The following PTPRD variants were observed in gnomAD, a reference collection of about 807,000 sequenced individuals.
PTPRD encodes the protein receptor-type tyrosine-protein phosphatase delta.
In PTPRD, 34 loss-of-function variants were observed where a neutral mutation model predicts 214.5. The ratio of observed to expected loss-of-function variants is 0.16; its 90% CI spans 0.12 to 0.21. The LOEUF (loss-of-function observed/expected upper bound fraction) is 0.21, where lower values mean the gene tolerates loss of function less well. Among genes scored for constraint, PTPRD ranks in the 10% least tolerant of loss-of-function variants. PTPRD has a pLI of 1.00. For missense variants in PTPRD, 2,545 were observed against 2,398.7 expected (o/e 1.06, Z -1.27); for synonymous variants, 1,128 against 845.7 (o/e 1.33, Z -5.79).
chr9:9,688,043 T>A (rs1049922232), intron 7 of PTPRD, among the ~76,000 whole-genome samples: 1 of 151,842 alleles, frequency 6.6e-6, no homozygotes, highest in Non-Finnish European at 1.5e-5. Flanking sequence ...CTCTCTTTCC[T>A]TTCTTTCTCC....
chr9:10,573,948 T>C lies in PTPRD; in HGVS notation c.-600+38450A>G, dbSNP rs1488118362. On this transcript the variant is annotated intron_variant, in intron 2 of 45. Transcript: ENST00000381196. ...CCTTAAAACTTAAAGTAGAATAAAA[T>C]AAATAAATTAATAAACCCAGGACAG... 1.3e-5 allele frequency among the ~76,000 whole-genome samples: 2 copies of C among 151,970 alleles called. 1 individual carries two copies. Among genetic ancestry groups the C allele is most frequent in the Admixed American group, 1.3e-4 (2 of 15,236 alleles).
intron 11 of PTPRD, among the ~76,000 whole-genome samples, chr9:8,761,940 G>C (rs914414324): frequency 1.3e-5 from 2 of 152,076 alleles, no homozygotes; most frequent in South Asian, 2.1e-4. Flanking sequence ...AGGTCCCTAA[G>C]GCACCATTAT....
chr9:10,184,285 C>T (rs1304267940), intron 3 of PTPRD, among the ~76,000 whole-genome samples: 2 of 152,024 alleles, frequency 1.3e-5, no homozygotes, highest in African/African-American at 2.4e-5. Flanking sequence ...ATTAGCCAGA[C>T]GTGGTGGCAT....
At chr9:10,341,275 G>C (rs995472568) in intron 2 of PTPRD, among the ~76,000 whole-genome samples, 4 of 151,820 alleles carry the variant, frequency 2.6e-5, no homozygotes, top group Non-Finnish European at 4.4e-5. Context: ...GTACATACAA[G>C]AAATGCCAAA....
chr9:10,195,636 A>G (rs1272015915), intron 3 of PTPRD, among the ~76,000 whole-genome samples: 1 of 152,158 alleles, frequency 6.6e-6, no homozygotes, highest in African/African-American at 2.4e-5. Flanking sequence ...TCTGTCATCC[A>G]ACCATCTATT....
At chr9:10,030,330 A>G (rs935892376) in intron 4 of PTPRD, among the ~76,000 whole-genome samples, 5 of 152,212 alleles carry the variant, frequency 3.3e-5, no homozygotes, top group African/African-American at 1.2e-4. Context: ...CACAGAAATG[A>G]GAAAACAAAA....
chr9:10,268,299 T>C lies in PTPRD; in HGVS notation c.-545+72664A>G, dbSNP rs1412764071. 1.4e-4 allele frequency among the ~76,000 whole-genome samples: 21 copies of C among 148,104 alleles called. No individual in the cohort carries two copies. The East Asian group carries it at 3.5e-3, about 25-fold the overall frequency. ...AGCAAGACTCTGTTGCTATAAATAATAATAATAATAATAATAATAACGATA... is the reference window on the plus strand; with the variant it reads ...AGCAAGACTCTGTTGCTATAAATAACAATAATAATAATAATAATAACGATA... On this transcript the variant is annotated intron_variant, in intron 3 of 45. Coordinates refer to ENST00000381196, the MANE Select transcript of PTPRD (RefSeq NM_002839.4).
At chr9:10,559,496 T>A (rs2063367131) in intron 2 of PTPRD, among the ~76,000 whole-genome samples, 1 of 152,162 alleles carries the variant, frequency 6.6e-6, no homozygotes, top group African/African-American at 2.4e-5. Flanking sequence ...ACACTGCTGA[T>A]ACACACTAAG....
intron 3 of PTPRD, among the ~76,000 whole-genome samples, chr9:10,069,315 T>C (rs1365452337): frequency 1.3e-5 from 2 of 151,922 alleles, no homozygotes; most frequent in African/African-American, 4.8e-5. Context: ...AAGAAGTTGT[T>C]CCCTTTGTGA....
chr9:9,398,604 A>C, intron 8 of PTPRD, among the ~76,000 whole-genome samples: 1 of 152,084 alleles, frequency 6.6e-6, no homozygotes, highest in Non-Finnish European at 1.5e-5. Context: ...AGTTTAACAA[A>C]AAAATAAAGA....
chr9:10,133,964 T>C (rs2098923003), intron 3 of PTPRD, among the ~76,000 whole-genome samples: 1 of 152,182 alleles, frequency 6.6e-6, no homozygotes, highest in Admixed American at 6.6e-5. Context: ...CTTTTTTTCA[T>C]TCAAGCAATG....
At chr9:8,957,636 A>G (rs535238206) in intron 11 of PTPRD, among the ~76,000 whole-genome samples, 1 of 152,044 alleles carries the variant, frequency 6.6e-6, no homozygotes, top group South Asian at 2.1e-4. Flanking sequence ...ATGCTATTGT[A>G]AGCTCTTCAA....
chr9:9,097,310 G>T lies in PTPRD; in HGVS notation c.-142-78575C>A, dbSNP rs530709078. 2.6e-5 allele frequency among the ~76,000 whole-genome samples: 4 copies of T among 152,172 alleles called. No individual in the cohort carries two copies. In the South Asian group the frequency reaches 8.3e-4, roughly 32 times the overall value. On this transcript the variant is annotated intron_variant, in intron 10 of 45. Coordinates refer to ENST00000381196, the MANE Select transcript of PTPRD (RefSeq NM_002839.4). ...ATTCTGGTTGGGGCCTAAAGCAAAG[G>T]TTTTTGGGGTACTAAACCTCATACT...
intron 4 of PTPRD, among the ~76,000 whole-genome samples, chr9:9,966,749 G>A (rs375797495): frequency 2.0e-5 from 3 of 152,050 alleles, no homozygotes; most frequent in Non-Finnish European, 2.9e-5. Context: ...CTGCTCCTGA[G>A]GAATCAAGGA....
intron 2 of PTPRD, among the ~76,000 whole-genome samples, chr9:10,386,958 T>C (rs1482171647): frequency 6.6e-6 from 1 of 151,808 alleles, no homozygotes; most frequent in Admixed American, 6.6e-5. Context: ...AGAGTCAGTG[T>C]CAGAGTAATA....
intron 7 of PTPRD, among the ~76,000 whole-genome samples, chr9:9,603,183 C>T (rs2093904377): frequency 6.6e-6 from 1 of 152,026 alleles, no homozygotes; most frequent in Non-Finnish European, 1.5e-5. Flanking sequence ...AAAGGGTAAA[C>T]ATTAAGACTG....
intron 11 of PTPRD, among the ~76,000 whole-genome samples, chr9:8,906,782 CA>C (rs1024569854): frequency 5.3e-5 from 8 of 151,948 alleles, no homozygotes; most frequent in Non-Finnish European, 8.8e-5. Context: ...GTCTTTTCGG[CA>C]GACTATATGA....
intron 8 of PTPRD, among the ~76,000 whole-genome samples, chr9:9,507,940 G>T (rs2096608138): frequency 6.6e-6 from 1 of 151,378 alleles, no homozygotes; most frequent in Non-Finnish European, 1.5e-5. Flanking sequence ...CATTTCAGAA[G>T]GGGAAAATGA....
At chr9:8,938,494 C>T (rs1227150631) in intron 11 of PTPRD, among the ~76,000 whole-genome samples, 1 of 152,114 alleles carries the variant, frequency 6.6e-6, no homozygotes, top group Admixed American at 6.5e-5. Context: ...TTGAGCTTGT[C>T]AGGGTGTGTG....
Sources: allele counts gnomAD v4.1 joint callset (sites outside exome capture counted in the v4.1 genomes callset), GRCh38; gene constraint gnomAD v4.1.1; transcripts MANE v1.5; gene names NCBI Gene and HGNC (gene_info 2026-07-23, HGNC 2026-07-21).